The following SKA2 variants were observed in gnomAD, a reference collection of about 807,000 sequenced individuals.
The protein encoded by SKA2 is spindle and kinetochore associated complex subunit 2, also known as spindle and kinetochore-associated protein 2.
In SKA2, 13 loss-of-function variants were observed where a neutral mutation model predicts 16.9. The ratio of observed to expected loss-of-function variants is 0.77; its 90% CI spans 0.50 to 1.22. The LOEUF (loss-of-function observed/expected upper bound fraction) is 1.22, where lower values mean the gene tolerates loss of function less well. Among genes scored for constraint, SKA2 ranks in the 50% most tolerant of loss-of-function variants. SKA2 has a pLI of 0.00. For synonymous variants in SKA2, 47 were observed against 48.5 expected, an observed-to-expected ratio of 0.97 and a Z score of 0.13; for missense variants, 107 against 139.7, an observed-to-expected ratio of 0.77 and a Z score of 1.18.
chr17:59,152,203 A>G (rs1243311616), intron 1 of SKA2, among the ~76,000 whole-genome samples: 1 of 152,182 alleles, frequency 6.6e-6, no homozygotes, highest in Non-Finnish European at 1.5e-5. Flanking sequence ...TGAAGGGGAA[A>G]AAGTCAGAGA....
At chr17:59,114,321 C>T (rs551103667) in intron 3 of SKA2, among the ~76,000 whole-genome samples, 8 of 152,296 alleles carry the variant, frequency 5.3e-5, no homozygotes, top group East Asian at 1.9e-4. Context: ...GACAGGAATA[C>T]GTTCTGAGAA....
intron 2 of SKA2, among the ~76,000 whole-genome samples, chr17:59,120,598 C>T (rs2046325984): frequency 6.6e-6 from 1 of 151,998 alleles, no homozygotes; most frequent in Non-Finnish European, 1.5e-5. Context: ...CAGGCCCCAC[C>T]AAGTGACAGC....
chr17:59,115,299 C>T (rs2046289077), intron 3 of SKA2, among the ~76,000 whole-genome samples: 1 of 151,992 alleles, frequency 6.6e-6, no homozygotes. Flanking sequence ...CTCAGGTGAT[C>T]CACCTGTCTC....
In SKA2 at chr17:59,112,019, G is replaced by C; in HGVS notation, c.*258C>G. On this transcript the variant is annotated 3_prime_UTR_variant, in exon 4 of 4. Coordinates refer to ENST00000330137, the MANE Select transcript of SKA2 (RefSeq NM_182620.4). ...TTCTGGCCTGAAATTACAAGACTAA[G>C]TGTGTGTGTGCATGCGTGTGTACAT... The C allele has an allele frequency of 2.8e-6, 1 of 353,134 alleles. No homozygotes were observed. The highest frequency in any genetic ancestry group is 5.1e-5 in the East Asian group (1 of 19,708). The allele number at this position is 353,134 out of a possible 1,614,324, so 21.9% of individuals were successfully genotyped here.
At chr17:59,130,264 A>AT (rs1033975087) in intron 2 of SKA2, among the ~76,000 whole-genome samples, 26 of 150,988 alleles carry the variant, frequency 1.7e-4, no homozygotes, top group South Asian at 6.3e-4. Flanking sequence ...ATTGTATGGA[A>AT]TTTTTTTTTA....
At chr17:59,149,118 A>AT (rs1170259188) in intron 1 of SKA2, among the ~76,000 whole-genome samples, 3 of 152,222 alleles carry the variant, frequency 2.0e-5, no homozygotes, top group African/African-American at 7.2e-5. Context: ...GCAGTTGCTT[A>AT]TAAGATCAAG....
At chr17:59,140,982 A>C (rs2046484535) in intron 1 of SKA2, among the ~76,000 whole-genome samples, 1 of 150,962 alleles carries the variant, frequency 6.6e-6, no homozygotes, top group East Asian at 2.0e-4. Flanking sequence ...TCCTTTGTAG[A>C]GACAGAGTCT....
intron 3 of SKA2, among the ~76,000 whole-genome samples, chr17:59,118,450 CA>C (rs2046311194): frequency 6.6e-6 from 1 of 152,152 alleles, no homozygotes; most frequent in Non-Finnish European, 1.5e-5. Context: ...TGGTTCTATA[CA>C]GATATGTTGT....
chr17:59,154,615 G>A (rs2046607141), intron 1 of SKA2, among the ~76,000 whole-genome samples: 1 of 152,190 alleles, frequency 6.6e-6, no homozygotes, highest in Admixed American at 6.5e-5. Flanking sequence ...TTAGGAAGTT[G>A]TGCATACAAG....
intron 1 of SKA2, among the ~76,000 whole-genome samples, chr17:59,142,952 G>C (rs1035857127): frequency 6.9e-6 from 1 of 145,322 alleles, no homozygotes; most frequent in Non-Finnish European, 1.5e-5. Context: ...AAAAAAAAGA[G>C]AGAGAGACAG....
At chr17:59,151,582 A>G (rs2046577930) in intron 1 of SKA2, among the ~76,000 whole-genome samples, 2 of 152,334 alleles carry the variant, frequency 1.3e-5, no homozygotes, top group Admixed American at 1.3e-4. Flanking sequence ...TGTTCTCTGC[A>G]GAGATGTTGG....
At chr17:59,148,649 A>AT (rs1312130969) in intron 1 of SKA2, among the ~76,000 whole-genome samples, 2 of 151,718 alleles carry the variant, frequency 1.3e-5, no homozygotes, top group South Asian at 4.2e-4. Context: ...TACAAAAAAA[A>AT]TTTTTTTAAT....
chr17:59,149,698 A>G (rs527258393), intron 1 of SKA2, among the ~76,000 whole-genome samples: 8 of 152,336 alleles, frequency 5.3e-5, no homozygotes, highest in Admixed American at 3.3e-4. Context: ...TATACAATGA[A>G]TACTACTCAG....
intron 3 of SKA2, among the ~76,000 whole-genome samples, chr17:59,116,387 CAAAA>C (rs137864939): frequency 0.029 from 4,389 of 152,036 alleles, 176 homozygotes; most frequent in African/African-American, 0.089. Context: ...AACAAACAAA[CAAAA>C]AAATTAAATA....
chr17:59,115,055 CTTT>C (rs776335145), intron 3 of SKA2, among the ~76,000 whole-genome samples: 1 of 137,158 alleles, frequency 7.3e-6, no homozygotes. Flanking sequence ...TTCTTTCTTC[CTTT>C]TTTTTTTTTT....
intron 1 of SKA2, among the ~76,000 whole-genome samples, chr17:59,142,794 G>A (rs1288238158): frequency 6.6e-6 from 1 of 151,666 alleles, no homozygotes; most frequent in East Asian, 2.0e-4. Flanking sequence ...AGGTGTGGTG[G>A]TGGGCACCTG....
intron 1 of SKA2, among the ~76,000 whole-genome samples, chr17:59,141,106 T>A (rs1169949895): frequency 6.6e-6 from 1 of 151,948 alleles, no homozygotes; most frequent in African/African-American, 2.4e-5. Flanking sequence ...CTTAAATAAT[T>A]TATGTAATTC....
intron 1 of SKA2, among the ~76,000 whole-genome samples, chr17:59,150,615 G>A (rs966398641): frequency 7.2e-5 from 11 of 152,108 alleles, no homozygotes; most frequent in African/African-American, 2.7e-4. Context: ...GGTAGGACAC[G>A]CCTGTGGTCC....
intron 2 of SKA2, among the ~76,000 whole-genome samples, chr17:59,122,874 C>T (rs912604700): frequency 2.6e-5 from 4 of 151,848 alleles, no homozygotes; most frequent in South Asian, 4.2e-4. Context: ...CTGCCTACCT[C>T]GGCCTCCCAA....
Sources: allele counts gnomAD v4.1 joint callset (sites outside exome capture counted in the v4.1 genomes callset), GRCh38; gene constraint gnomAD v4.1.1; transcripts MANE v1.5; gene names NCBI Gene and HGNC (gene_info 2026-07-23, HGNC 2026-07-21).